The following GRK5 variants were observed in gnomAD, a reference collection of about 807,000 sequenced individuals.
GRK5 encodes G protein-coupled receptor kinase 5.
In GRK5, 40 loss-of-function variants were observed where a neutral mutation model predicts 78.4. The observed-to-expected ratio is 0.51, with a 90% CI of 0.40 to 0.66. The LOEUF is 0.66. GRK5 is among the 30% of genes least tolerant of loss of function. GRK5 has a pLI of 0.00. For synonymous variants in GRK5, 289 were observed against 296.8 expected (o/e 0.97, Z 0.27); for missense variants, 598 against 759.9 (o/e 0.79, Z 2.50).
At chr10:119,306,939 C>G (rs547781872) in intron 1 of GRK5, among the ~76,000 whole-genome samples, 1 of 152,176 alleles carries the variant, frequency 6.6e-6, no homozygotes, top group African/African-American at 2.4e-5. Flanking sequence ...GCTGTGTGAC[C>G]TTGATGGCTC....
intron 1 of GRK5, among the ~76,000 whole-genome samples, chr10:119,268,885 G>A (rs905388655): frequency 5.9e-5 from 9 of 152,226 alleles, no homozygotes; most frequent in Non-Finnish European, 1.3e-4. Context: ...CACGGCCCAG[G>A]AGCCAGCTGT....
intron 9 of GRK5, among the ~76,000 whole-genome samples, chr10:119,439,489 C>T (rs571579568): frequency 6.6e-6 from 1 of 152,364 alleles, no homozygotes; most frequent in East Asian, 1.9e-4. Context: ...CCTAACTTTC[C>T]CAGTCACCCT....
In GRK5 at chr10:119,445,270, G is replaced by A. The variant is rs1589814818; in HGVS notation, c.1266+1518G>A. ...AGATATCTGTCAGGTGCGACAAAAC[G>A]AGACAAGGGAAAGAAGAAGGGGTCA... On this transcript the variant is annotated intron_variant, in intron 12 of 15. Coordinates refer to ENST00000392870, the MANE Select transcript of GRK5 (RefSeq NM_005308.3). The surrounding 1 kb of genome is among the most constrained non-coding windows in gnomAD (Gnocchi z 4.1). Among the ~76,000 whole-genome samples the A allele has an allele frequency of 2.6e-5, 4 of 152,292 alleles. No individual in the cohort carries two copies. The East Asian group carries it at 5.8e-4, about 22-fold the overall frequency.
At chr10:119,243,456 G>A (rs1256614256) in intron 1 of GRK5, among the ~76,000 whole-genome samples, 7 of 152,132 alleles carry the variant, frequency 4.6e-5, no homozygotes, top group Non-Finnish European at 1.0e-4. Flanking sequence ...GCAACTGATA[G>A]CAACTCAAAT....
At position 119,307,395 on chromosome 10, in the gene GRK5, T is replaced by G. The variant is rs1419660375; in HGVS notation, c.53-19121T>G. ...TTCAGATGTGATTAAGTTAAGGCTG[T>G]TGAGATGGAGAGGTTATCCAGGGAT... On this transcript the variant is annotated intron_variant, in intron 1 of 15. Coordinates refer to ENST00000392870, the MANE Select transcript of GRK5 (RefSeq NM_005308.3). 2.6e-5 allele frequency among the ~76,000 whole-genome samples: 4 copies of G among 152,068 alleles called. 1 individual carries two copies. Among genetic ancestry groups the G allele is most frequent in the Non-Finnish European group, 5.9e-5 (4 of 68,018 alleles).
chr10:119,334,660 T>G (rs1443733075), intron 2 of GRK5: 1 of 152,190 alleles, frequency 6.6e-6, no homozygotes, highest in Non-Finnish European at 1.5e-5. Context: ...CATTTTTATT[T>G]ATTTAGCTCA....
chr10:119,394,041 CTG>C (rs1851932904), intron 3 of GRK5, among the ~76,000 whole-genome samples: 2 of 129,460 alleles, frequency 1.5e-5, no homozygotes, highest in Admixed American at 7.8e-5. Flanking sequence ...GGATGGGTAT[CTG>C]TGGGTGTGTG....
In GRK5 at chr10:119,313,990, G is replaced by A. The variant is rs1026102252; in HGVS notation, c.53-12526G>A. 3.3e-5 allele frequency among the ~76,000 whole-genome samples: 5 copies of A among 152,196 alleles called. No individual in the cohort carries two copies. In the East Asian group the frequency reaches 5.8e-4, roughly 18 times the overall value. ...CCAGATGCCCCGGGCCGCCCCACGCGCCTCACACCATCCAGCCAAGACATT... is the reference window on the plus strand; with the variant it reads ...CCAGATGCCCCGGGCCGCCCCACGCACCTCACACCATCCAGCCAAGACATT... On this transcript the variant is annotated intron_variant, in intron 1 of 15. Transcript: ENST00000392870.
chr10:119,447,402 C>T (rs1333345492), intron 12 of GRK5, among the ~76,000 whole-genome samples: 2 of 152,226 alleles, frequency 1.3e-5, no homozygotes, highest in African/African-American at 4.8e-5. Context: ...CCTCCTCCCG[C>T]TTTCTAAGTC....
At chr10:119,423,290 T>A (rs747611440) in intron 5 of GRK5, 24 bp downstream of exon 5, 1 of 1,546,100 alleles carries the variant, frequency 6.5e-7, no homozygotes, top group South Asian at 1.1e-5. Flanking sequence ...TCACCTGGCC[T>A]GTCCTCCCCG....
At chr10:119,420,020 C>G (rs1852537304) in intron 4 of GRK5, among the ~76,000 whole-genome samples, 1 of 152,174 alleles carries the variant, frequency 6.6e-6, no homozygotes, top group African/African-American at 2.4e-5. Flanking sequence ...ACAGCCCACT[C>G]CCTCCAGCCA....
intron 4 of GRK5, among the ~76,000 whole-genome samples, chr10:119,404,617 G>A (rs1359268230): frequency 6.6e-6 from 1 of 152,206 alleles, no homozygotes; most frequent in Non-Finnish European, 1.5e-5. Flanking sequence ...AAGGGAAAGG[G>A]TGTGTATGGA....
At chr10:119,313,002 G>GTGCTGGTGGC (rs1564886908) in intron 1 of GRK5, among the ~76,000 whole-genome samples, 72 of 140,504 alleles carry the variant, frequency 5.1e-4, no homozygotes, top group Admixed American at 9.3e-4. Flanking sequence ...GGTAATGGTG[G>GTGCTGGTGGC]TCGTGACGGT....
intron 2 of GRK5, chr10:119,334,537 T>C (rs978633367): frequency 1.6e-4 from 25 of 152,172 alleles, no homozygotes; most frequent in African/African-American, 6.0e-4. Context: ...TCAAAGAATT[T>C]CTTAGGATGT....
Position 119,425,056 on chromosome 10 carries a change from C to T in GRK5, c.504C>T (p.Asp168=), listed in dbSNP as rs1564929868. The change falls in exon 6 of 16, where the codon GAC becomes GAT. Residue 168 remains aspartate, a synonymous_variant. Coordinates refer to ENST00000392870, the MANE Select transcript of GRK5 (RefSeq NM_005308.3). ...FHEYLDSMFF[D]RFLQWKWLER... The stretch of plus-strand genomic sequence containing the variant: ...AATATCTGGACAGCATGTTTTTTGA[C>T]CGCTTTCTCCAGTGGAAGTGGTTGG... 2 of 1,613,846 alleles carry T rather than the reference C, an allele frequency of 1.2e-6. No individual in the cohort carries two copies. Among genetic ancestry groups the T allele is most frequent in the Non-Finnish European group, 1.7e-6 (2 of 1,179,768 alleles).
chr10:119,427,310 G>GCTGTTATCAATATCCCACCA (rs1852706773), intron 6 of GRK5, among the ~76,000 whole-genome samples: 2 of 80,168 alleles, frequency 2.5e-5, no homozygotes, highest in African/African-American at 5.3e-5. Flanking sequence ...CAGCATCACT[G>GCTGTTATCAATATCCCACCA]CCATCAACAG....
chr10:119,245,165 G>A (rs1490858057), intron 1 of GRK5, among the ~76,000 whole-genome samples: 1 of 151,998 alleles, frequency 6.6e-6, no homozygotes, highest in Non-Finnish European at 1.5e-5. Context: ...GTAGTCCCAG[G>A]TACTCTGGAG....
intron 1 of GRK5, among the ~76,000 whole-genome samples, chr10:119,283,737 G>A (rs532167556): frequency 6.6e-6 from 1 of 152,320 alleles, no homozygotes; most frequent in South Asian, 2.1e-4. Flanking sequence ...GGGACCATGA[G>A]CCCCACTCCC....
chr10:119,261,646 C>G (rs902078569), intron 1 of GRK5, among the ~76,000 whole-genome samples: 1 of 152,262 alleles, frequency 6.6e-6, no homozygotes, highest in Admixed American at 6.5e-5. Context: ...TCTGCAATCC[C>G]GGCACCTCGG....
Sources: gnomAD v4.1 joint callset for allele counts (sites outside exome capture counted in the v4.1 genomes callset) on GRCh38, gnomAD v4.1.1 for gene constraint, Gnocchi (gnomAD v3.1) non-coding constraint, MANE v1.5 for transcripts, NCBI Gene and HGNC (gene_info 2026-07-23, HGNC 2026-07-21) for gene names.